Variants in DMBX1 observed in about 807,000 individuals in gnomAD.
The protein encoded by DMBX1 is diencephalon/mesencephalon homeobox protein 1.
Under a neutral mutation model 30.4 loss-of-function variants are expected in DMBX1, and 7 were observed. The observed-to-expected ratio is 0.23, with a 90% CI of 0.13 to 0.43. The LOEUF (loss-of-function observed/expected upper bound fraction) is 0.43. Ranked by LOEUF, DMBX1 falls within the 20% of genes least tolerant of loss-of-function variation. DMBX1 has a pLI of 1.00. For missense variants in DMBX1, 460 were observed against 508.5 expected (o/e 0.90, Z 0.92); for synonymous variants, 222 against 214.2 (o/e 1.04, Z -0.32).
Position 46,512,226 on chromosome 1 carries a change from C to A in DMBX1, c.866C>A (p.Ala289Asp). Reference protein sequence around the residue: ...SSFEVGGPAPAAAAAAAAVPY... With the variant: ...SSFEVGGPAPDAAAAAAAVPY... ...TTCGAAGTAGGGGGTCCGGCCCCTG[C>A]TGCTGCAGCGGCGGCTGCTGCTGTG... The change falls in exon 6 of 6, where the codon GCT becomes GAT. Residue 289 changes from alanine to aspartate, a missense_variant. Coordinates refer to ENST00000360032, the MANE Select transcript of DMBX1 (RefSeq NM_172225.2). This position sits in a 1 kb window ranked among gnomAD's most constrained non-coding sequence, Gnocchi z 4.8. 1 of 1,613,972 alleles carries A rather than the reference C, an allele frequency of 6.2e-7. No individual in the cohort carries two copies. Among genetic ancestry groups the A allele is most frequent in the Non-Finnish European group, 8.5e-7 (1 of 1,179,958 alleles).
chr1:46,494,354 C>T (rs945230861), intron 2 of DMBX1, among the ~76,000 whole-genome samples: 3 of 152,214 alleles, frequency 2.0e-5, no homozygotes, highest in African/African-American at 4.8e-5. Flanking sequence ...CTCTGCACCC[C>T]CAACATTAAG....
rs142368793 is a variant in DMBX1, at chr1:46,512,476, C to T, written c.1116C>T (p.Leu372=). ...RAKQHAASLG[L]DTLPN is the part of the protein sequence containing the mutation. ...AGCAGCACGCGGCCTCCCTGGGACT[C>T]GATACGCTGCCCAACTGACTGTCTG... The change falls in exon 6 of 6, where the codon CTC becomes CTT. Residue 372 remains leucine, a synonymous_variant. Transcript: ENST00000360032. This position sits in a 1 kb window ranked among gnomAD's most constrained non-coding sequence, Gnocchi z 4.8. The T allele has an allele frequency of 1.7e-5, 27 of 1,610,286 alleles. No homozygotes were observed. The highest frequency in any genetic ancestry group is 8.4e-5 in the Admixed American group (5 of 59,874).
rs1424445972 is a variant in DMBX1 at position 46,515,274 on chromosome 1, A to G, written c.*2780A>G. On this transcript the variant is annotated 3_prime_UTR_variant, in exon 6 of 6. Coordinates refer to ENST00000360032, the MANE Select transcript of DMBX1 (RefSeq NM_172225.2). ...AGTTCTGTTTCTAAAACAAAAAATAATCATCTGGATAGGTATGGGAAGCTT... is the reference window on the plus strand; with the variant it reads ...AGTTCTGTTTCTAAAACAAAAAATAGTCATCTGGATAGGTATGGGAAGCTT... Among the ~76,000 whole-genome samples the G allele has an allele frequency of 1.5e-5, 2 of 136,658 alleles. No individual in the cohort carries two copies. Among genetic ancestry groups the G allele is most frequent in the Non-Finnish European group, 3.3e-5 (2 of 61,348 alleles). 89.7% of individuals were successfully genotyped at this position (136,658 alleles called of 152,430 possible).
chr1:46,510,542 C>A lies in DMBX1; in HGVS notation c.221C>A (p.Thr74Lys). The A allele has an allele frequency of 3.1e-6, 5 of 1,614,170 alleles. No individual in the cohort carries two copies. The highest frequency in any genetic ancestry group is 4.2e-6 in the Non-Finnish European group (5 of 1,180,028). Residue 74 changes from threonine (T) to lysine (K), a missense_variant, in exon 4 of 6, where the codon ACG (threonine) becomes AAG (lysine). Coordinates refer to ENST00000360032, the MANE Select transcript of DMBX1 (RefSeq NM_172225.2). The surrounding 1 kb of genome is among the most constrained non-coding windows in gnomAD (Gnocchi z 4.1). The part of the protein sequence containing the change: ...RKQRRSRTAF[T>K]AQQLEALEKT... ...CAACGTCGCAGCCGCACAGCGTTCA[C>A]GGCTCAGCAGCTCGAGGCCCTGGAA...
rs374604254 is a variant in DMBX1, at chr1:46,492,049, T to C, written c.-13+1266T>C. Among the ~76,000 whole-genome samples the C allele has an allele frequency of 1.4e-4, 21 of 152,264 alleles. No individual in the cohort carries two copies. In the South Asian group the frequency reaches 3.1e-3, roughly 23 times the overall value. On this transcript the variant is annotated intron_variant, in intron 2 of 5. Coordinates refer to ENST00000360032, the MANE Select transcript of DMBX1 (RefSeq NM_172225.2). ...ACACCTTACCCCACCCCTGCAGTAT[T>C]TGGGGGCGCCTACTCCTGCAAGGAG...
At position 46,513,892 on chromosome 1, in the gene DMBX1, A is replaced by G. The variant is rs927813345; in HGVS notation, c.*1398A>G. ...GGAATGGAAAAGTGTGTTCCTGTTC[A>G]TAGCCAGGAAACCCAGCTCAGCAAA... On this transcript the variant is annotated 3_prime_UTR_variant, in exon 6 of 6. Transcript: ENST00000360032. 4 of 152,248 alleles carry G rather than the reference A, an allele frequency of 2.6e-5. No homozygotes were observed. The highest frequency in any genetic ancestry group is 4.4e-5 in the Non-Finnish European group (3 of 68,056). 9.4% of individuals were successfully genotyped at this position (152,248 alleles called of 1,614,324 possible). A position where few individuals can be genotyped will look rare whatever the true frequency, so the allele number is the denominator to read the frequency against.
intron 2 of DMBX1, among the ~76,000 whole-genome samples, chr1:46,492,924 C>T (rs1052615677): frequency 6.6e-6 from 1 of 152,134 alleles, no homozygotes; most frequent in Admixed American, 6.5e-5. Flanking sequence ...CCCCACCTTG[C>T]GCAGAAGCCC....
chr1:46,512,626 C>T lies in DMBX1; in HGVS notation c.*132C>T, dbSNP rs938169554. 47 of 1,009,330 alleles carry T rather than the reference C, an allele frequency of 4.7e-5. No individual in the cohort carries two copies. The highest frequency in any genetic ancestry group is 1.3e-4 in the South Asian group (8 of 59,658). The allele number at this position is 1,009,330 out of a possible 1,614,324, so 62.5% of individuals were successfully genotyped here. Reference sequence around the variant, plus strand: ...GGGCCTGGGGTCCTGTTCCCTGCTCCGCTTCCCCATACCCCAGCCCGAGGT... The same window carrying T: ...GGGCCTGGGGTCCTGTTCCCTGCTCTGCTTCCCCATACCCCAGCCCGAGGT... On this transcript the variant is annotated 3_prime_UTR_variant, in exon 6 of 6. Transcript: ENST00000360032. This position sits in a 1 kb window ranked among gnomAD's most constrained non-coding sequence, Gnocchi z 4.8.
intron 3 of DMBX1, among the ~76,000 whole-genome samples, chr1:46,508,335 G>A (rs1057404859): frequency 2.0e-5 from 3 of 152,164 alleles, no homozygotes; most frequent in African/African-American, 7.2e-5. Context: ...ATCCACAGGG[G>A]CAGGAACCAG....
At chr1:46,492,241 G>C (rs547467428) in intron 2 of DMBX1, among the ~76,000 whole-genome samples, 1 of 152,334 alleles carries the variant, frequency 6.6e-6, no homozygotes, top group South Asian at 2.1e-4. Context: ...CACGGGCATC[G>C]GGTGAGTGTC....
In DMBX1 at chr1:46,510,795, G is replaced by A; in HGVS notation, c.334-140G>A. 6 of 1,351,784 alleles carry A rather than the reference G, an allele frequency of 4.4e-6. No homozygotes were observed. The highest frequency in any genetic ancestry group is 5.0e-6 in the Non-Finnish European group (5 of 1,003,782). The allele number at this position is 1,351,784 out of a possible 1,614,324, so 83.7% of individuals were successfully genotyped here. On this transcript the variant is annotated intron_variant, in intron 4 of 5. Transcript: ENST00000360032. This position sits in a 1 kb window ranked among gnomAD's most constrained non-coding sequence, Gnocchi z 4.1. ...CAAAGCCTTCAGTGATAGGAGGGGA[G>A]TTTGGGAAGGGACAGAGGGTGTGCA... is the stretch of plus-strand genomic sequence containing the variant.
chr1:46,500,985 T>C (rs1666113609), intron 2 of DMBX1, among the ~76,000 whole-genome samples: 1 of 152,186 alleles, frequency 6.6e-6, no homozygotes, highest in Non-Finnish European at 1.5e-5. Flanking sequence ...TCAAAGACGA[T>C]GTACTCTCTA....
chr1:46,509,011 TGAA>T (rs929344609), intron 3 of DMBX1, among the ~76,000 whole-genome samples: 4 of 151,842 alleles, frequency 2.6e-5, no homozygotes, highest in East Asian at 1.9e-4. Flanking sequence ...CTTTTTAAAC[TGAA>T]GAAGAAGTAT....
chr1:46,512,206 A>T lies in DMBX1; in HGVS notation c.846A>T (p.Glu282Asp), dbSNP rs1279546421. ...ACCTGGTGCACTACTCGTCCTTCGA[A>T]GTAGGGGGTCCGGCCCCTGCTGCTG... ...TNNLVHYSSF[E>D]VGGPAPAAAA... The change falls in exon 6 of 6, where the codon GAA (glutamate) becomes GAT (aspartate). Residue 282 changes from glutamate (E) to aspartate (D), a missense_variant. By Grantham distance (45) the Glu-to-Asp change is conservative. Around this residue, in one of 3 missense-constraint regions of DMBX1, gnomAD observed 334 missense variants for 345.1 expected, o/e 0.97. Transcript: ENST00000360032. The surrounding 1 kb of genome is among the most constrained non-coding windows in gnomAD (Gnocchi z 4.8). 2 of 1,613,882 alleles carry T rather than the reference A, an allele frequency of 1.2e-6. No homozygotes were observed. The highest frequency in any genetic ancestry group is 2.7e-5 in the African/African-American group (2 of 74,868).
In DMBX1 at chr1:46,510,562, C is replaced by G; in HGVS notation, c.241C>G (p.Leu81Val). The G allele has an allele frequency of 6.2e-7, 1 of 1,614,190 alleles. No individual in the cohort carries two copies. Among genetic ancestry groups the G allele is most frequent in the Non-Finnish European group, 8.5e-7 (1 of 1,180,034 alleles). The change falls in exon 4 of 6, where the codon CTG (leucine) becomes GTG (valine). Residue 81 changes from leucine to valine, a missense_variant. Around this residue, in one of 3 missense-constraint regions of DMBX1, gnomAD observed 124 missense variants for 144.0 expected, o/e 0.86. Coordinates refer to ENST00000360032, the MANE Select transcript of DMBX1 (RefSeq NM_172225.2). This position sits in a 1 kb window ranked among gnomAD's most constrained non-coding sequence, Gnocchi z 4.1. ...TAFTAQQLEA[L>V]EKTFQKTHYP... ...GTTCACGGCTCAGCAGCTCGAGGCC[C>G]TGGAAAAGACCTTCCAGAAGACTCA... is the stretch of plus-strand genomic sequence containing the variant.
chr1:46,506,517 G>T (rs945942987), intron 2 of DMBX1, among the ~76,000 whole-genome samples: 1 of 152,260 alleles, frequency 6.6e-6, no homozygotes, highest in African/African-American at 2.4e-5. Context: ...TGAACGAAGA[G>T]ATGATTGCAT....
chr1:46,514,780 C>T lies in DMBX1; in HGVS notation c.*2286C>T, dbSNP rs572012290. 1.3e-5 allele frequency among the ~76,000 whole-genome samples: 2 copies of T among 152,264 alleles called. No homozygotes were observed. Among genetic ancestry groups the T allele is most frequent in the South Asian group, 2.1e-4 (1 of 4,818 alleles). ...GGAAGAGAGAGGTTCTGTTGGTGTC[C>T]TGGTTGAATTGCTTTGCAGAGAAGT... On this transcript the variant is annotated 3_prime_UTR_variant, in exon 6 of 6. Transcript: ENST00000360032.
At position 46,515,941 on chromosome 1, in the gene DMBX1, G is replaced by A. The variant is rs979251079; in HGVS notation, c.*3447G>A. Among the ~76,000 whole-genome samples, 2 of 152,220 alleles carry A rather than the reference G, an allele frequency of 1.3e-5. No homozygotes were observed. The highest frequency in any genetic ancestry group is 2.9e-5 in the Non-Finnish European group (2 of 68,040). On this transcript the variant is annotated 3_prime_UTR_variant, in exon 6 of 6. Transcript: ENST00000360032. The stretch of plus-strand genomic sequence containing the variant: ...GATCCCAACCCCAACTCCAAGGCTG[G>A]TGGGCTCTACAGACTGCTTTCCAAA...
rs570966248 is a variant in DMBX1 at position 46,496,859 on chromosome 1, G to A, written c.-13+6076G>A. Among the ~76,000 whole-genome samples, 108 of 152,306 alleles carry A rather than the reference G, an allele frequency of 7.1e-4. 1 individual carries two copies. The highest frequency in any genetic ancestry group is 2.4e-3 in the African/African-American group (100 of 41,558). ...CAGGAGCCCTGGCTTGCTGCTCCCG[G>A]GTTCGTGTATTCATGATCTTCTACC... is the stretch of plus-strand genomic sequence containing the variant. On this transcript the variant is annotated intron_variant, in intron 2 of 5. Transcript: ENST00000360032.
Sources: allele counts gnomAD v4.1 joint callset (sites outside exome capture counted in the v4.1 genomes callset), GRCh38; gene constraint gnomAD v4.1.1; regional missense constraint gnomAD v4.1.1; non-coding constraint Gnocchi (gnomAD v3.1); transcripts MANE v1.5; gene names NCBI Gene and HGNC (gene_info 2026-07-23, HGNC 2026-07-21).